Variants in SVIL observed in about 807,000 individuals in gnomAD.
SVIL encodes archvillin.
SVIL carries 101 observed loss-of-function variants against 240.4 expected under a neutral mutation model. The ratio of observed to expected loss-of-function variants is 0.42; its 90% CI spans 0.36 to 0.50. The LOEUF is 0.50. Ranked by LOEUF, SVIL falls within the 20% of genes least tolerant of loss-of-function variation. The pLI is 0.01. For synonymous variants in SVIL, 999 were observed against 1,100.0 expected, an observed-to-expected ratio of 0.91 and a Z score of 1.82; for missense variants, 2,512 against 2,818.7, an observed-to-expected ratio of 0.89 and a Z score of 2.46.
At chr10:29,694,379 T>A (rs559615615) in intron 1 of SVIL, among the ~76,000 whole-genome samples, 1 of 152,106 alleles carries the variant, frequency 6.6e-6, no homozygotes, top group African/African-American at 2.4e-5. Context: ...CCAACCTGGA[T>A]GACAGAGTAC....
chr10:29,716,636 A>C (rs1963626417), intron 1 of SVIL, among the ~76,000 whole-genome samples: 1 of 152,256 alleles, frequency 6.6e-6, no homozygotes, highest in African/African-American at 2.4e-5. Flanking sequence ...CTCGACAGTC[A>C]AAAACAGATC....
At chr10:29,493,414 C>CATAA in intron 20 of SVIL, 23 bp from the exon 21 acceptor site, 1 of 1,611,832 alleles carries the variant, frequency 6.2e-7, no homozygotes, top group Non-Finnish European at 8.5e-7. Context: ...AAGCAAAAGA[C>CATAA]ATAAGAGTTT....
intron 1 of SVIL, among the ~76,000 whole-genome samples, chr10:29,592,246 T>C (rs1487292611): frequency 3.3e-5 from 5 of 152,190 alleles, no homozygotes; most frequent in Admixed American, 2.6e-4. Context: ...AGTGAGACTC[T>C]TTCTCAAAAA....
chr10:29,657,004 T>C (rs1437510187), intron 3 of SVIL, among the ~76,000 whole-genome samples: 1 of 152,198 alleles, frequency 6.6e-6, no homozygotes, highest in Non-Finnish European at 1.5e-5. Flanking sequence ...GTGAATACTA[T>C]TATAAGCATC....
chr10:29,606,859 G>A (rs1188401270), intron 1 of SVIL, among the ~76,000 whole-genome samples: 4 of 152,098 alleles, frequency 2.6e-5, no homozygotes, highest in Admixed American at 6.5e-5. Flanking sequence ...TGTTCAAGCA[G>A]TTCTCCTGCC....
chr10:29,499,202 A>C lies in SVIL; in HGVS notation c.3578T>G (p.Val1193Gly). Residue 1193 changes from valine (V) to glycine (G), a missense_variant, in exon 18 of 38, where the codon GTG (valine) becomes GGG (glycine). Physicochemically the swap from Val to Gly is moderately radical, Grantham distance 109. Coordinates refer to ENST00000355867, the MANE Select transcript of SVIL (RefSeq NM_021738.3). ...TCTCGTCTTCCAGGCCTCCTCTCTC[A>C]CAGTGATGAGCTGCTTCCTCTCCTC... Reference protein sequence around the residue: ...TIEERKQLITVREEAWKTRGR... With the variant: ...TIEERKQLITGREEAWKTRGR... 2 of 1,614,102 alleles carry C rather than the reference A, an allele frequency of 1.2e-6. No individual in the cohort carries two copies. The highest frequency in any genetic ancestry group is 1.7e-6 in the Non-Finnish European group (2 of 1,179,998).
At chr10:29,666,850 CTG>C (rs1400790768) in intron 2 of SVIL, among the ~76,000 whole-genome samples, 2 of 152,180 alleles carry the variant, frequency 1.3e-5, no homozygotes, top group African/African-American at 4.8e-5. Context: ...TATGGTTTGG[CTG>C]TGTCTCCACC....
intron 33 of SVIL, among the ~76,000 whole-genome samples, chr10:29,466,296 A>C (rs78696053): frequency 0.097 from 14,669 of 152,008 alleles, 2,165 homozygotes; most frequent in African/African-American, 0.32. Flanking sequence ...ATGTATATAA[A>C]TATACATCTA....
At chr10:29,641,072 C>T (rs956665250) in intron 3 of SVIL, among the ~76,000 whole-genome samples, 11 of 152,036 alleles carry the variant, frequency 7.2e-5, no homozygotes, top group South Asian at 4.1e-4. Context: ...TCTAGCAAAT[C>T]GTCCCAGATC....
At chr10:29,470,539 C>T (rs1169201564) in intron 31 of SVIL, 56 bp from the exon 32 acceptor site, 8 of 1,595,922 alleles carry the variant, frequency 5.0e-6, no homozygotes, top group African/African-American at 2.7e-5. Flanking sequence ...TGGCAGCAAA[C>T]GCGGCCCTTC....
At chr10:29,701,375 C>G (rs1777304) in intron 1 of SVIL, among the ~76,000 whole-genome samples, 29,137 of 152,160 alleles carry the variant, frequency 0.19, 3,080 homozygotes, top group East Asian at 0.29. Context: ...CCATCTGCAG[C>G]CAGCTTCATC....
intron 17 of SVIL, among the ~76,000 whole-genome samples, chr10:29,505,970 T>G (rs921720427): frequency 2.0e-5 from 3 of 152,230 alleles, no homozygotes; most frequent in Non-Finnish European, 4.4e-5. Context: ...ACACAGCCTG[T>G]GCACATCCCC....
At chr10:29,732,068 G>A (rs1398450555) in intron 1 of SVIL, among the ~76,000 whole-genome samples, 4 of 152,316 alleles carry the variant, frequency 2.6e-5, no homozygotes, top group African/African-American at 9.6e-5. Context: ...GGAGTGAAAT[G>A]CACAAAAGCA....
chr10:29,474,208 G>C (rs1436359036), intron 29 of SVIL, among the ~76,000 whole-genome samples: 1 of 152,194 alleles, frequency 6.6e-6, no homozygotes. Context: ...ACTTCCCACA[G>C]GGAGAAAAGG....
intron 1 of SVIL, among the ~76,000 whole-genome samples, chr10:29,577,028 G>A (rs11819456): frequency 0.058 from 8,775 of 151,934 alleles, 725 homozygotes; most frequent in African/African-American, 0.18. Flanking sequence ...TTATAGGCAC[G>A]CTCCACCATG....
At chr10:29,677,195 G>A (rs535919525) in intron 2 of SVIL, among the ~76,000 whole-genome samples, 1 of 152,182 alleles carries the variant, frequency 6.6e-6, no homozygotes, top group South Asian at 2.1e-4. Context: ...CAGCTCAGCA[G>A]ACACCCTTTG....
intron 9 of SVIL, among the ~76,000 whole-genome samples, chr10:29,531,722 A>G (rs181806093): frequency 2.0e-5 from 3 of 152,372 alleles, no homozygotes; most frequent in African/African-American, 7.2e-5. Context: ...AACAAGGGGT[A>G]AAAAACATTA....
chr10:29,721,784 A>G (rs1485304199), intron 1 of SVIL, among the ~76,000 whole-genome samples: 6 of 152,228 alleles, frequency 3.9e-5, no homozygotes, highest in African/African-American at 9.7e-5. Context: ...ACTGCTGGGG[A>G]TCCCTGCTTT....
chr10:29,721,763 C>A (rs1480127128), intron 1 of SVIL, among the ~76,000 whole-genome samples: 3 of 152,216 alleles, frequency 2.0e-5, no homozygotes, highest in Non-Finnish European at 4.4e-5. Flanking sequence ...TACAAAGCCA[C>A]ATATTTCAAT....
Sources: gnomAD v4.1 joint callset for allele counts (sites outside exome capture counted in the v4.1 genomes callset) on GRCh38, gnomAD v4.1.1 for gene constraint, MANE v1.5 for transcripts, NCBI Gene and HGNC (gene_info 2026-07-23, HGNC 2026-07-21) for gene names.